Variants in PTCRA observed in about 807,000 individuals in gnomAD.
PTCRA encodes the protein pre T-cell antigen receptor alpha.
PTCRA carries 9 observed loss-of-function variants against 13.4 expected under a neutral mutation model. That is an observed-to-expected ratio of 0.67 (90% CI 0.41 to 1.18). The LOEUF is 1.18. Among genes scored for constraint, PTCRA ranks in the 50% most tolerant of loss-of-function variants. PTCRA has a pLI of 0.01. For missense variants in PTCRA, 353 were observed against 359.8 expected (o/e 0.98, Z 0.15); for synonymous variants, 153 against 161.9 (o/e 0.94, Z 0.42).
chr6:42,922,141 C>T (rs1767200102), intron 1 of PTCRA: 2 of 676,186 alleles, frequency 3.0e-6, no homozygotes, highest in South Asian at 3.2e-5. Flanking sequence ...AACATTTTGC[C>T]ATATTTAAAT....
At position 42,925,106 on chromosome 6, in the gene PTCRA, C is replaced by T; in HGVS notation, c.425-155C>T. On this transcript the variant is annotated intron_variant, in intron 3 of 3. Transcript: ENST00000304672. This position sits in a 1 kb window ranked among gnomAD's most constrained non-coding sequence, Gnocchi z 4.4. ...AGGCCAGGAAGGTATGTATTATTAC[C>T]AGTAAGAACGGAGGCTAGACACCGG... The T allele has an allele frequency of 1.1e-6, 1 of 946,030 alleles. No homozygotes were observed. Among genetic ancestry groups the T allele is most frequent in the South Asian group, 1.7e-5 (1 of 58,004 alleles). 58.6% of individuals were successfully genotyped at this position (946,030 alleles called of 1,614,324 possible).
Position 42,925,129 on chromosome 6 carries a change from C to T in PTCRA, c.425-132C>T, listed in dbSNP as rs144125571. ...ACCAGTAAGAACGGAGGCTAGACAC[C>T]GGGAAGGACTTTCCCTGGAGGAGGG... On this transcript the variant is annotated intron_variant, in intron 3 of 3. Coordinates refer to ENST00000304672, the MANE Select transcript of PTCRA (RefSeq NM_138296.3). This position sits in a 1 kb window ranked among gnomAD's most constrained non-coding sequence, Gnocchi z 4.4. The T allele has an allele frequency of 1.0e-4, 124 of 1,229,896 alleles. No homozygotes were observed. Among genetic ancestry groups the T allele is most frequent in the African/African-American group, 7.7e-4 (51 of 65,984 alleles). The allele number at this position is 1,229,896 out of a possible 1,614,324, so 76.2% of individuals were successfully genotyped here. A position where few individuals can be genotyped will look rare whatever the true frequency, so the allele number is the denominator to read the frequency against.
In PTCRA at chr6:42,925,776, A is replaced by G; in HGVS notation, c.*94A>G. Reference sequence around the variant, plus strand: ...CTTGAGAATGGTGATCCACCCAGTTACAGGGGCATTTAGGGAGCAGATGAC... The same window carrying G: ...CTTGAGAATGGTGATCCACCCAGTTGCAGGGGCATTTAGGGAGCAGATGAC... On this transcript the variant is annotated 3_prime_UTR_variant, in exon 4 of 4. Transcript: ENST00000304672. This position sits in a 1 kb window ranked among gnomAD's most constrained non-coding sequence, Gnocchi z 4.4. 1 of 765,132 alleles carries G rather than the reference A, an allele frequency of 1.3e-6. No homozygotes were observed. Among genetic ancestry groups the G allele is most frequent in the Middle Eastern group, 3.0e-4 (1 of 3,348 alleles). The allele number at this position is 765,132 out of a possible 1,614,324, so 47.4% of individuals were successfully genotyped here.
rs763910876 is a variant in PTCRA, at chr6:42,925,264, CA to C, written c.429del (p.Pro144ArgfsTer24). The C allele has an allele frequency of 6.1e-5, 97 of 1,587,922 alleles. No homozygotes were observed. The highest frequency in any genetic ancestry group is 1.7e-5 in the Admixed American group (1 of 58,520). On this transcript the variant is annotated frameshift_variant, in exon 4 of 4. Coordinates refer to ENST00000304672, the MANE Select transcript of PTCRA (RefSeq NM_138296.3). LOFTEE classifies it low-confidence loss of function (END_TRUNC). This position sits in a 1 kb window ranked among gnomAD's most constrained non-coding sequence, Gnocchi z 4.4. ...RTCPQEPLRG[T>X]PGGALWLGVL... ...CCTGAGCGGTTCCTCCTCGCAGGGA[CA>C]CCGGGTGGGGCGCTGTGGCTGGGGG...
intron 2 of PTCRA, 108 bp downstream of exon 2, chr6:42,923,455 C>A: frequency 1.9e-6 from 2 of 1,075,602 alleles, no homozygotes; most frequent in Non-Finnish European, 2.7e-6. Context: ...GAAGGGTGTC[C>A]AAGCGCAGAG....
At position 42,925,402 on chromosome 6, in the gene PTCRA, G is replaced by T. The variant is rs111782749; in HGVS notation, c.566G>T (p.Arg189Leu). ...TCCCCCGCAACCACCACCCGCCTGC[G>T]AGCCCTCGGCTCCCATCGACTGCAC... ...LPSPATTTRLRALGSHRLHPA... is the reference protein window; with the variant it reads ...LPSPATTTRLLALGSHRLHPA... The change falls in exon 4 of 4, where the codon CGA (arginine) becomes CTA (leucine). Residue 189 changes from arginine to leucine, a missense_variant. By Grantham distance (102) the Arg-to-Leu change is moderately radical. Transcript: ENST00000304672. This position sits in a 1 kb window ranked among gnomAD's most constrained non-coding sequence, Gnocchi z 4.4. 1 of 1,554,542 alleles carries T rather than the reference G, an allele frequency of 6.4e-7. No homozygotes were observed. The highest frequency in any genetic ancestry group is 8.7e-7 in the Non-Finnish European group (1 of 1,148,740).
At chr6:42,924,832 G>A (rs893528912) in intron 3 of PTCRA, among the ~76,000 whole-genome samples, 3 of 152,174 alleles carry the variant, frequency 2.0e-5, no homozygotes, top group African/African-American at 7.2e-5. Flanking sequence ...TTAGCCGAGC[G>A]TGATGGCACA....
At chr6:42,921,736 A>AG (rs1406213618) in intron 1 of PTCRA, among the ~76,000 whole-genome samples, 1 of 79,670 alleles carries the variant, frequency 1.3e-5, no homozygotes, top group East Asian at 2.1e-4. Flanking sequence ...TTTTTTTCAA[A>AG]AAAAAAAAAA....
rs1767365778 is a variant in PTCRA at position 42,925,189 on chromosome 6, CCTCTCCGCCGTT to C, written c.425-65_425-54del. 6.6e-7 allele frequency: 1 copy of C among 1,509,594 alleles called. No homozygotes were observed. The highest frequency in any genetic ancestry group is 8.8e-7 in the Non-Finnish European group (1 of 1,132,708). 93.5% of individuals were successfully genotyped at this position (1,509,594 alleles called of 1,614,324 possible). A position where few individuals can be genotyped will look rare whatever the true frequency, so the allele number is the denominator to read the frequency against. On this transcript the variant is annotated intron_variant, in intron 3 of 3. Coordinates refer to ENST00000304672, the MANE Select transcript of PTCRA (RefSeq NM_138296.3). This position sits in a 1 kb window ranked among gnomAD's most constrained non-coding sequence, Gnocchi z 4.4. ...GACGGGCAAGGGCAGAGGACAAGGC[CCTCTCCGCCGTT>C]CTCTCCTGGGGTAGGGGGCTGCGGG... is the stretch of plus-strand genomic sequence containing the variant.
intron 1 of PTCRA, chr6:42,922,233 C>T (rs1767206705): frequency 1.4e-6 from 1 of 702,708 alleles, no homozygotes; most frequent in Non-Finnish European, 2.6e-6. Flanking sequence ...GTTTCCTTCC[C>T]TTCCTCACCA....
chr6:42,925,362 G>A lies in PTCRA; in HGVS notation c.526G>A (p.Ala176Thr), dbSNP rs776736708. The change falls in exon 4 of 4, where the codon GCG (alanine) becomes ACG (threonine). Residue 176 changes from alanine to threonine, a missense_variant. Ala to Thr is a moderately conservative substitution (Grantham distance 58, BLOSUM62 0). Transcript: ENST00000304672. This position sits in a 1 kb window ranked among gnomAD's most constrained non-coding sequence, Gnocchi z 4.4. The part of the protein sequence containing the change: ...LLTCSCLCDP[A>T]GPLPSPATTT... ...GACCTGCAGCTGCCTGTGCGACCCC[G>A]CGGGCCCGCTGCCTTCCCCCGCAAC... The A allele has an allele frequency of 6.4e-6, 10 of 1,559,116 alleles. No homozygotes were observed. The highest frequency in any genetic ancestry group is 5.4e-5 in the African/African-American group (4 of 73,576).
At position 42,925,294 on chromosome 6, in the gene PTCRA, T is replaced by C; in HGVS notation, c.458T>C (p.Leu153Pro). ...TPGGALWLGV[L>P]RLLLFKLLLF... ...GGTGGGGCGCTGTGGCTGGGGGTCC[T>C]GCGGCTGCTGCTCTTCAAGCTGCTG... is the stretch of plus-strand genomic sequence containing the variant. Residue 153 changes from leucine (L) to proline (P), a missense_variant, in exon 4 of 4, where the codon CTG becomes CCG. Leu to Pro is a moderately conservative substitution (Grantham distance 98). Transcript: ENST00000304672. This position sits in a 1 kb window ranked among gnomAD's most constrained non-coding sequence, Gnocchi z 4.4. 1 of 1,588,720 alleles carries C rather than the reference T, an allele frequency of 6.3e-7. No homozygotes were observed. The highest frequency in any genetic ancestry group is 1.7e-5 in the Admixed American group (1 of 58,368).
chr6:42,925,361 C>T lies in PTCRA; in HGVS notation c.525C>T (p.Pro175=), dbSNP rs927830667. 17 of 1,558,920 alleles carry T rather than the reference C, an allele frequency of 1.1e-5. No individual in the cohort carries two copies. The highest frequency in any genetic ancestry group is 3.8e-5 in the Admixed American group (2 of 52,606). The part of the protein sequence containing the change: ...LLLTCSCLCD[P]AGPLPSPATT... ...TGACCTGCAGCTGCCTGTGCGACCC[C>T]GCGGGCCCGCTGCCTTCCCCCGCAA... is the stretch of plus-strand genomic sequence containing the variant. The change falls in exon 4 of 4, where the codon CCC becomes CCT. Residue 175 remains proline, a synonymous_variant. Transcript: ENST00000304672. This position sits in a 1 kb window ranked among gnomAD's most constrained non-coding sequence, Gnocchi z 4.4.
Position 42,925,431 on chromosome 6 carries a change from G to GCCA in PTCRA, c.597_599dup (p.Thr200dup), listed in dbSNP as rs1277561222. On this transcript the variant is annotated inframe_insertion, in exon 4 of 4. Transcript: ENST00000304672. This position sits in a 1 kb window ranked among gnomAD's most constrained non-coding sequence, Gnocchi z 4.4. ...CCTCGGCTCCCATCGACTGCACCCG[G>GCCA]CCACGGAGACTGGGGGACGAGAGGC... The GCCA allele has an allele frequency of 6.4e-7, 1 of 1,555,430 alleles. No homozygotes were observed. Among genetic ancestry groups the GCCA allele is most frequent in the Non-Finnish European group, 8.7e-7 (1 of 1,149,038 alleles).
intron 1 of PTCRA, among the ~76,000 whole-genome samples, chr6:42,916,982 T>C (rs1464859240): frequency 1.3e-5 from 2 of 152,092 alleles, no homozygotes; most frequent in Non-Finnish European, 2.9e-5. Context: ...TGAACTCAAC[T>C]TGGGGAATGT....
chr6:42,921,751 A>C lies in PTCRA; in HGVS notation c.59-1276A>C, dbSNP rs1269066869. Reference sequence around the variant, plus strand: ...TTTTTTTCAAAAAAAAAAAAAAAAAAGGCTGGGTGTGGTGCCTCACGCCTG... The same window carrying C: ...TTTTTTTCAAAAAAAAAAAAAAAAACGGCTGGGTGTGGTGCCTCACGCCTG... On this transcript the variant is annotated intron_variant, in intron 1 of 3. Coordinates refer to ENST00000304672, the MANE Select transcript of PTCRA (RefSeq NM_138296.3). Among the ~76,000 whole-genome samples the C allele has an allele frequency of 5.4e-3, 690 of 127,016 alleles. 7 individuals are homozygous for C. The highest frequency in any genetic ancestry group is 0.02 in the African/African-American group (637 of 32,212). The allele number at this position is 127,016 out of a possible 152,430, so 83.3% of individuals were successfully genotyped here.
At chr6:42,920,499 A>T (rs1767101005) in intron 1 of PTCRA, among the ~76,000 whole-genome samples, 1 of 150,224 alleles carries the variant, frequency 6.7e-6, no homozygotes. Context: ...ATCTTGGCTC[A>T]CTGCGAGCTC....
chr6:42,925,159 A>T lies in PTCRA; in HGVS notation c.425-102A>T. ...AGGACTTTCCCTGGAGGAGGGGGTG[A>T]AGGGGACGGGCAAGGGCAGAGGACA... On this transcript the variant is annotated intron_variant, in intron 3 of 3. Transcript: ENST00000304672. This position sits in a 1 kb window ranked among gnomAD's most constrained non-coding sequence, Gnocchi z 4.4. The T allele has an allele frequency of 6.9e-7, 1 of 1,443,544 alleles. No individual in the cohort carries two copies. Among genetic ancestry groups the T allele is most frequent in the Non-Finnish European group, 9.2e-7 (1 of 1,090,172 alleles). The allele number at this position is 1,443,544 out of a possible 1,614,324, so 89.4% of individuals were successfully genotyped here.
Position 42,925,432 on chromosome 6 carries a change from C to A in PTCRA, c.596C>A (p.Ala199Asp). 13 of 1,555,484 alleles carry A rather than the reference C, an allele frequency of 8.4e-6. No individual in the cohort carries two copies. The highest frequency in any genetic ancestry group is 1.4e-5 in the African/African-American group (1 of 73,380). Residue 199 changes from alanine to aspartate, a missense_variant, in exon 4 of 4, where the codon GCC (alanine) becomes GAC (aspartate). Coordinates refer to ENST00000304672, the MANE Select transcript of PTCRA (RefSeq NM_138296.3). The surrounding 1 kb of genome is among the most constrained non-coding windows in gnomAD (Gnocchi z 4.4). ...CTCGGCTCCCATCGACTGCACCCGG[C>A]CACGGAGACTGGGGGACGAGAGGCC... is the stretch of plus-strand genomic sequence containing the variant. The part of the protein sequence containing the change: ...RALGSHRLHP[A>D]TETGGREATS...
Sources: allele counts gnomAD v4.1 joint callset (sites outside exome capture counted in the v4.1 genomes callset), GRCh38; gene constraint gnomAD v4.1.1; non-coding constraint Gnocchi (gnomAD v3.1); transcripts MANE v1.5; gene names NCBI Gene and HGNC (gene_info 2026-07-23, HGNC 2026-07-21).